Variants in GTF3C3 observed in about 807,000 individuals in gnomAD.
GTF3C3 encodes general transcription factor IIIC subunit 3.
Under a neutral mutation model 105.2 loss-of-function variants are expected in GTF3C3, and 75 were observed. The ratio of observed to expected loss-of-function variants is 0.71; its 90% CI spans 0.59 to 0.86. GTF3C3 has a LOEUF of 0.86. Ranked by LOEUF, GTF3C3 falls within the 40% of genes least tolerant of loss-of-function variation. The probability of loss-of-function intolerance (pLI) is 0.00; values close to 1 mark genes in which losing one functional copy is unlikely to be tolerated. For missense variants in GTF3C3, 856 were observed against 1,076.5 expected (o/e 0.80, Z 2.87); for synonymous variants, 335 against 370.4 (o/e 0.90, Z 1.10).
chr2:196,792,154 T>A (rs1389096732), intron 3 of GTF3C3, among the ~76,000 whole-genome samples: 2 of 152,104 alleles, frequency 1.3e-5, no homozygotes, highest in Non-Finnish European at 2.9e-5. Context: ...AGGGTTATAG[T>A]ATGGACACAG....
intron 6 of GTF3C3, 122 bp from the exon 7 acceptor site, chr2:196,785,710 T>C: frequency 1.6e-6 from 1 of 628,018 alleles, no homozygotes; most frequent in East Asian, 2.8e-5. Context: ...GAGAGGAATG[T>C]GTATTTCCTT....
At position 196,793,137 on chromosome 2, in the gene GTF3C3, C is replaced by T. The variant is rs1388440843; in HGVS notation, c.230G>A (p.Gly77Glu). ...GACCTTGTGAACTGACTTCCTCACT[C>T]CATCTGATGTTTCTCCTGAGAAAAG... Reference protein sequence around the residue: ...KDVNEGETSDGVRKSVHKVFA... With the variant: ...KDVNEGETSDEVRKSVHKVFA... The change falls in exon 3 of 18, where the codon GGA becomes GAA. Residue 77 changes from glycine (G) to glutamate (E), a missense_variant. Transcript: ENST00000263956. The T allele has an allele frequency of 6.2e-7, 1 of 1,607,192 alleles. No homozygotes were observed.
At chr2:196,778,375 A>C (rs1699292370) in intron 10 of GTF3C3, 1 of 152,452 alleles carries the variant, frequency 6.6e-6, no homozygotes, top group Non-Finnish European at 1.5e-5. Flanking sequence ...GCTTTCATGT[A>C]TTTCTTCAAA....
At chr2:196,767,991 T>C (rs756294771) in intron 16 of GTF3C3, among the ~76,000 whole-genome samples, 6 of 152,204 alleles carry the variant, frequency 3.9e-5, no homozygotes, top group Non-Finnish European at 8.8e-5. Flanking sequence ...AATTATCAAA[T>C]TTAAAAACTG....
At position 196,785,574 on chromosome 2, in the gene GTF3C3, G is replaced by T; in HGVS notation, c.908C>A (p.Ala303Asp). Residue 303 changes from alanine to aspartate, a missense_variant, in exon 7 of 18, where the codon GCC becomes GAC. Coordinates refer to ENST00000263956, the MANE Select transcript of GTF3C3 (RefSeq NM_012086.5). ...GTTAATAGCAGAAGTAACATCATTG[G>T]CTTCATAGTAACTCCTAAAAAAAAG... Reference protein sequence around the residue: ...ARDMAKSYYEANDVTSAINII... With the variant: ...ARDMAKSYYEDNDVTSAINII... 1 of 1,602,952 alleles carries T rather than the reference G, an allele frequency of 6.2e-7. No homozygotes were observed. Among genetic ancestry groups the T allele is most frequent in the Non-Finnish European group, 8.5e-7 (1 of 1,171,982 alleles).
chr2:196,797,005 G>T (rs745500472), intron 2 of GTF3C3, among the ~76,000 whole-genome samples: 3 of 152,086 alleles, frequency 2.0e-5, no homozygotes, highest in Admixed American at 6.6e-5. Context: ...ATGACTGTCT[G>T]TTCTCTGTGT....
chr2:196,768,175 A>C (rs1403451965), intron 16 of GTF3C3, among the ~76,000 whole-genome samples: 1 of 151,844 alleles, frequency 6.6e-6, no homozygotes, highest in East Asian at 1.9e-4. Flanking sequence ...ACGCCACCAC[A>C]CCTGGCTCAT....
Position 196,785,516 on chromosome 2 carries a change from G to T in GTF3C3, c.966C>A (p.Gly322=). Residue 322 remains glycine, a synonymous_variant, in exon 7 of 18, where the codon GGC becomes GGA. Coordinates refer to ENST00000263956, the MANE Select transcript of GTF3C3 (RefSeq NM_012086.5). ...IIDEAFSKHQ[G]LVSMEDVNIA... is the part of the protein sequence containing the mutation. ...TGTTAACATCTTCCATGGAGACTAG[G>T]CCCTGGTGTTTTGAGAAAGCTTCAT... The T allele has an allele frequency of 6.2e-7, 1 of 1,605,342 alleles. No individual in the cohort carries two copies. The highest frequency in any genetic ancestry group is 8.5e-7 in the Non-Finnish European group (1 of 1,172,612).
At chr2:196,768,867 T>C (rs1380587713) in intron 16 of GTF3C3, among the ~76,000 whole-genome samples, 1 of 152,172 alleles carries the variant, frequency 6.6e-6, no homozygotes, top group Non-Finnish European at 1.5e-5. Flanking sequence ...CCATAAAATT[T>C]TCCTATCAAT....
chr2:196,781,342 G>GAAAAAAAA (rs769914255), intron 8 of GTF3C3, among the ~76,000 whole-genome samples: 64 of 31,418 alleles, frequency 2.0e-3, no homozygotes, highest in African/African-American at 6.7e-3. Context: ...ATGTTAAGGG[G>GAAAAAAAA]AAAAAAAAAA....
intron 2 of GTF3C3, among the ~76,000 whole-genome samples, chr2:196,796,711 C>G (rs1460884410): frequency 3.9e-5 from 6 of 152,144 alleles, no homozygotes; most frequent in Non-Finnish European, 2.9e-5. Flanking sequence ...TTCCTCACCC[C>G]CTTTTGTCCC....
At chr2:196,778,839 G>C in intron 10 of GTF3C3, 57 bp downstream of exon 10, 1 of 1,455,454 alleles carries the variant, frequency 6.9e-7, no homozygotes. Context: ...TCTTGGGAAA[G>C]TAAGTTCTTG....
Position 196,763,166 on chromosome 2 carries a change from G to C in GTF3C3, c.*1397C>G, listed in dbSNP as rs1161664435. On this transcript the variant is annotated 3_prime_UTR_variant, in exon 18 of 18. Coordinates refer to ENST00000263956, the MANE Select transcript of GTF3C3 (RefSeq NM_012086.5). ...TGTTTAGCACCATACTTAGCATACA[G>C]TAGCAGAGTAAAAACTCAGCAAATG... is the stretch of plus-strand genomic sequence containing the variant. 1 of 152,142 alleles carries C rather than the reference G, an allele frequency of 6.6e-6. No individual in the cohort carries two copies. Among genetic ancestry groups the C allele is most frequent in the Admixed American group, 6.5e-5 (1 of 15,270 alleles). The allele number at this position is 152,142 out of a possible 1,614,324, so 9.4% of individuals were successfully genotyped here. A position where few individuals can be genotyped will look rare whatever the true frequency, so the allele number is the denominator to read the frequency against.
chr2:196,780,416 C>T, intron 9 of GTF3C3, 143 bp downstream of exon 9: 1 of 1,301,456 alleles, frequency 7.7e-7, no homozygotes, highest in East Asian at 2.7e-5. Flanking sequence ...GATATTCATA[C>T]AAAATTATTT....
At chr2:196,772,099 G>A (rs149530462) in intron 14 of GTF3C3, among the ~76,000 whole-genome samples, 161 bp from the exon 15 acceptor site, 36 of 152,174 alleles carry the variant, frequency 2.4e-4, no homozygotes, top group African/African-American at 7.0e-4. Context: ...ACTCTCCTAC[G>A]CAATAAAAGA....
In GTF3C3 at chr2:196,766,664, T is replaced by C. The variant is rs1356485745; in HGVS notation, c.2439A>G (p.Ser813=). Residue 813 remains serine, a synonymous_variant, in exon 17 of 18, where the codon TCA becomes TCG. Transcript: ENST00000263956. ...YLSLRGPCQE[S]FYNLGRGLHQ... is the part of the protein sequence containing the mutation. Reference sequence around the variant, plus strand: ...GAAGGCCACGGCCCAAATTGTAGAATGATTCCTGGCAGGGCCCACGTAAAC... The same window carrying C: ...GAAGGCCACGGCCCAAATTGTAGAACGATTCCTGGCAGGGCCCACGTAAAC... 1 of 1,613,704 alleles carries C rather than the reference T, an allele frequency of 6.2e-7. No individual in the cohort carries two copies. Among genetic ancestry groups the C allele is most frequent in the Admixed American group, 1.7e-5 (1 of 60,020 alleles).
intron 17 of GTF3C3, among the ~76,000 whole-genome samples, chr2:196,765,214 G>GTAT (rs1699040414): frequency 6.6e-6 from 1 of 152,014 alleles, no homozygotes. Flanking sequence ...TACCTCAGGG[G>GTAT]TATTATAGTT....
intron 1 of GTF3C3, 112 bp downstream of exon 1, chr2:196,799,398 C>T: frequency 3.9e-6 from 3 of 763,676 alleles, no homozygotes; most frequent in Non-Finnish European, 6.8e-6. Context: ...GAAGAAGCTG[C>T]TGAAAGTTCC....
intron 5 of GTF3C3, 92 bp downstream of exon 5, chr2:196,789,787 C>A: frequency 1.3e-6 from 1 of 756,038 alleles, no homozygotes; most frequent in Non-Finnish European, 2.1e-6. Context: ...TTATCTCAGC[C>A]AATATCACAC....
Sources: gnomAD v4.1 joint callset for allele counts (sites outside exome capture counted in the v4.1 genomes callset) on GRCh38, gnomAD v4.1.1 for gene constraint, MANE v1.5 for transcripts, NCBI Gene and HGNC (gene_info 2026-07-23, HGNC 2026-07-21) for gene names.